The following CREB5 variants were observed in gnomAD, a reference collection of about 807,000 sequenced individuals.
CREB5 encodes the protein cyclic AMP-responsive element-binding protein 5.
In CREB5, 19 loss-of-function variants were observed where a neutral mutation model predicts 57.1. The observed-to-expected ratio is 0.33, with a 90% CI of 0.23 to 0.49. CREB5 has a LOEUF of 0.49. Ranked by LOEUF, CREB5 falls within the 20% of genes least tolerant of loss-of-function variation. The pLI is 0.99. For synonymous variants in CREB5, 238 were observed against 238.3 expected (o/e 1.00, Z 0.01); for missense variants, 579 against 671.6 (o/e 0.86, Z 1.52).
intron 5 of CREB5, among the ~76,000 whole-genome samples, chr7:28,625,614 C>T (rs1797971037): frequency 6.6e-6 from 1 of 152,176 alleles, no homozygotes; most frequent in Non-Finnish European, 1.5e-5. Flanking sequence ...GAATTCCATA[C>T]AGCCAAGGCA....
chr7:28,409,009 A>G (rs943413186), upstream of CREB5, among the ~76,000 whole-genome samples: 5 of 151,244 alleles, frequency 3.3e-5, no homozygotes, highest in Admixed American at 2.0e-4. This position sits in a 1 kb window ranked among gnomAD's most constrained non-coding sequence, Gnocchi z 4.4. Context: ...CTCCCCGCAG[A>G]AGAGCCCACG....
At chr7:28,613,745 G>A (rs1372198191) in intron 5 of CREB5, among the ~76,000 whole-genome samples, 2 of 152,190 alleles carry the variant, frequency 1.3e-5, no homozygotes, top group East Asian at 3.9e-4. Context: ...ATTTCTTTGG[G>A]TCATCAAATC....
intron 1 of CREB5, among the ~76,000 whole-genome samples, chr7:28,386,368 C>A (rs1368452920): frequency 1.3e-5 from 2 of 152,138 alleles, no homozygotes; most frequent in African/African-American, 4.8e-5. Context: ...TACAGTCTGG[C>A]TTTTGTTGCC....
Position 28,773,174 on chromosome 7 carries a change from A to C in CREB5, c.703-31025A>C, listed in dbSNP as rs150354305. The stretch of plus-strand genomic sequence containing the variant: ...AGCTTGGTTTCCAAAAACAAACAAA[A>C]AAAAAATCACTTTAAGACTGTTTGT... On this transcript the variant is annotated intron_variant, in intron 7 of 10. Transcript: ENST00000357727. Among the ~76,000 whole-genome samples, 263 of 151,496 alleles carry C rather than the reference A, an allele frequency of 1.7e-3. 1 individual carries two copies. Among genetic ancestry groups the C allele is most frequent in the Middle Eastern group, 6.8e-3 (2 of 294 alleles).
intron 1 of CREB5, among the ~76,000 whole-genome samples, chr7:28,420,829 A>T (rs1250627170): frequency 1.5e-5 from 2 of 133,978 alleles, no homozygotes; most frequent in Non-Finnish European, 1.7e-5. Context: ...AAAAAAAAAA[A>T]GGTTAGGGTG....
chr7:28,390,701 A>G (rs1787199528), intron 1 of CREB5, among the ~76,000 whole-genome samples: 2 of 152,198 alleles, frequency 1.3e-5, no homozygotes, highest in Admixed American at 6.5e-5. Flanking sequence ...AAGACTTGGA[A>G]AGTGTCACAT....
intron 2 of CREB5, among the ~76,000 whole-genome samples, chr7:28,492,761 TA>T (rs1399148599): frequency 2.0e-5 from 3 of 148,778 alleles, no homozygotes; most frequent in East Asian, 1.9e-4. Context: ...AGTGTATATA[TA>T]AAATATAATA....
At chr7:28,782,683 A>G (rs960144505) in intron 7 of CREB5, among the ~76,000 whole-genome samples, 4 of 152,210 alleles carry the variant, frequency 2.6e-5, no homozygotes, top group African/African-American at 4.8e-5. Flanking sequence ...TGTTGGAAAT[A>G]TCATCAAAAA....
At chr7:28,530,066 A>C (rs1289643408) in intron 4 of CREB5, among the ~76,000 whole-genome samples, 4 of 152,256 alleles carry the variant, frequency 2.6e-5, no homozygotes, top group African/African-American at 4.8e-5. Context: ...ATCCAATGGC[A>C]GAGCTGGGAT....
Position 28,560,879 on chromosome 7 carries a change from C to CGTGTGT in CREB5, c.292-9483_292-9482insTGTGTG, listed in dbSNP as rs1215492156. 0.024 allele frequency among the ~76,000 whole-genome samples: 534 copies of CGTGTGT among 22,004 alleles called. 78 individuals are homozygous for CGTGTGT. The East Asian group carries it at 0.3, about 12-fold the overall frequency. The allele number at this position is 22,004 out of a possible 152,430, so 14.4% of individuals were successfully genotyped here. A position where few individuals can be genotyped will look rare whatever the true frequency, so the allele number is the denominator to read the frequency against. ...GTGTGCGTGTGCCTGCGTGCGCGTG[C>CGTGTGT]GTGCGTGCGTGTGTGTGCGTGCGCG... On this transcript the variant is annotated intron_variant, in intron 4 of 10. Coordinates refer to ENST00000357727, the MANE Select transcript of CREB5 (RefSeq NM_182898.4).
At chr7:28,578,665 A>T (rs942011127) in intron 5 of CREB5, among the ~76,000 whole-genome samples, 30 of 152,324 alleles carry the variant, frequency 2.0e-4, no homozygotes, top group African/African-American at 6.3e-4. Context: ...ATTCTGAATT[A>T]AAAAAGAAGC....
chr7:28,802,590 C>A lies in CREB5; in HGVS notation c.703-1609C>A, dbSNP rs559482679. Among the ~76,000 whole-genome samples the A allele has an allele frequency of 5.1e-4, 78 of 152,322 alleles. 1 individual carries two copies. On this transcript the variant is annotated intron_variant, in intron 7 of 10. Transcript: ENST00000357727. The stretch of plus-strand genomic sequence containing the variant: ...ACTTCATGAAGGCAATGGGAGCTTG[C>A]CAATTAGACAATCATCTCTGCATAA...
At chr7:28,305,982 TTA>T (rs1785174834) in intron 1 of CREB5, among the ~76,000 whole-genome samples, 1 of 152,076 alleles carries the variant, frequency 6.6e-6, no homozygotes, top group Non-Finnish European at 1.5e-5. Flanking sequence ...CAGATTTTAA[TTA>T]GTTTTTTTTT....
intron 5 of CREB5, among the ~76,000 whole-genome samples, chr7:28,647,877 T>A (rs576894183): frequency 1.1e-4 from 16 of 151,856 alleles, no homozygotes; most frequent in African/African-American, 3.1e-4. Flanking sequence ...GCCCGGGAGT[T>A]CAAGACCAAC....
rs183623839 is a variant in CREB5 at position 28,793,537 on chromosome 7, G to A, written c.703-10662G>A. Among the ~76,000 whole-genome samples the A allele has an allele frequency of 9.1e-4, 138 of 152,338 alleles. 1 individual carries two copies. Among genetic ancestry groups the A allele is most frequent in the African/African-American group, 3.2e-3 (133 of 41,590 alleles). ...GTGTTGGGAGAAGGTTCCATCTCCA[G>A]TCCCCTGAGGGCTTTTTAGTCAAAC... is the stretch of plus-strand genomic sequence containing the variant. On this transcript the variant is annotated intron_variant, in intron 7 of 10. Coordinates refer to ENST00000357727, the MANE Select transcript of CREB5 (RefSeq NM_182898.4).
At chr7:28,741,468 T>C (rs949903386) in intron 7 of CREB5, among the ~76,000 whole-genome samples, 9 of 150,022 alleles carry the variant, frequency 6.0e-5, no homozygotes, top group African/African-American at 2.2e-4. Context: ...AACACATCTC[T>C]CTCTGAGTGG....
intron 5 of CREB5, among the ~76,000 whole-genome samples, chr7:28,592,219 A>C (rs997808154): frequency 6.6e-6 from 1 of 152,210 alleles, no homozygotes; most frequent in Admixed American, 6.5e-5. Flanking sequence ...AATGCAGGCC[A>C]TGTGAACATT....
chr7:28,485,550 A>G (rs982843299), intron 1 of CREB5, among the ~76,000 whole-genome samples: 4 of 152,164 alleles, frequency 2.6e-5, no homozygotes, highest in Non-Finnish European at 5.9e-5. Context: ...ACATCTCTCC[A>G]TAATTTGAAA....
At chr7:28,494,077 T>C (rs962659649) in intron 2 of CREB5, among the ~76,000 whole-genome samples, 1 of 152,348 alleles carries the variant, frequency 6.6e-6, no homozygotes, top group East Asian at 1.9e-4. Flanking sequence ...GGTTAATCCA[T>C]AGATAATGTC....
Sources: gnomAD v4.1 joint callset for allele counts (sites outside exome capture counted in the v4.1 genomes callset) on GRCh38, gnomAD v4.1.1 for gene constraint, Gnocchi (gnomAD v3.1) non-coding constraint, MANE v1.5 for transcripts, NCBI Gene and HGNC (gene_info 2026-07-23, HGNC 2026-07-21) for gene names.